The following TRAF3 variants were observed in gnomAD, a reference collection of about 807,000 sequenced individuals.
TRAF3 encodes the protein TNF receptor associated factor 3.
Under a neutral mutation model 62.3 loss-of-function variants are expected in TRAF3, and 13 were observed. The observed-to-expected ratio is 0.21, with a 90% confidence interval of 0.14 to 0.33. The LOEUF is 0.33. Among genes scored for constraint, TRAF3 ranks in the 10% least tolerant of loss-of-function variants. The probability of loss-of-function intolerance (pLI) is 1.00; values close to 1 mark genes in which losing one functional copy is unlikely to be tolerated. For missense variants in TRAF3, 440 were observed against 741.8 expected (o/e 0.59, Z 4.73); for synonymous variants, 269 against 283.4 (o/e 0.95, Z 0.51).
At chr14:102,811,732 T>A (rs141367929) in intron 1 of TRAF3, among the ~76,000 whole-genome samples, 1 of 10,758 alleles carries the variant, frequency 9.3e-5, no homozygotes, top group African/African-American at 2.1e-4. Flanking sequence ...AGCAGTAGTG[T>A]GTGTGTGTGT....
intron 7 of TRAF3, among the ~76,000 whole-genome samples, chr14:102,887,213 G>A (rs1280305103): frequency 6.6e-6 from 1 of 152,216 alleles, no homozygotes; most frequent in African/African-American, 2.4e-5. Context: ...GGGCTACCCT[G>A]GGCTCCCTGG....
rs558682972 is a variant in TRAF3, at chr14:102,827,495, C to A, written c.-156-2839C>A. On this transcript the variant is annotated intron_variant, in intron 1 of 11. Transcript: ENST00000392745. ...CACATAGCCTGAAGGTAATTTTATG[C>A]AATATTCTTAAATATTTTGTGCATG... Among the ~76,000 whole-genome samples, 16 of 152,316 alleles carry A rather than the reference C, an allele frequency of 1.1e-4. No individual in the cohort carries two copies. The South Asian group carries it at 2.9e-3, about 28-fold the overall frequency.
intron 6 of TRAF3, among the ~76,000 whole-genome samples, chr14:102,881,395 C>CAAAAAAAAAAA (rs57546209): frequency 8.5e-6 from 1 of 117,432 alleles, no homozygotes. Flanking sequence ...ACAACAAAAA[C>CAAAAAAAAAAA]AAAAAAAAAA....
intron 1 of TRAF3, among the ~76,000 whole-genome samples, chr14:102,791,104 C>T (rs113781152): frequency 0.011 from 1,703 of 151,518 alleles, 36 homozygotes; most frequent in African/African-American, 0.04. Context: ...ACTGCAACCT[C>T]CGCCTCCCGG....
chr14:102,821,445 C>T lies in TRAF3; in HGVS notation c.-156-8889C>T, dbSNP rs568897247. Among the ~76,000 whole-genome samples, 16 of 152,192 alleles carry T rather than the reference C, an allele frequency of 1.1e-4. No individual in the cohort carries two copies. The East Asian group carries it at 2.3e-3, about 22-fold the overall frequency. On this transcript the variant is annotated intron_variant, in intron 1 of 11. Transcript: ENST00000392745. ...AAGACGCATTTTGGGCCTTTATGAG[C>T]GAGTAATCATGACAGGACAGAGTGG...
intron 1 of TRAF3, among the ~76,000 whole-genome samples, chr14:102,814,764 C>T (rs1269404046): frequency 2.0e-5 from 3 of 151,980 alleles, no homozygotes; most frequent in Non-Finnish European, 4.4e-5. Context: ...CTCAAGCGGT[C>T]CACCCACCTC....
intron 10 of TRAF3, among the ~76,000 whole-genome samples, chr14:102,901,919 A>C (rs1890323689): frequency 6.6e-6 from 1 of 152,196 alleles, no homozygotes; most frequent in South Asian, 2.1e-4. Flanking sequence ...TGGCTCAGTC[A>C]TTCCACAGCT....
chr14:102,869,588 C>G (rs765272879), intron 2 of TRAF3, among the ~76,000 whole-genome samples: 1 of 151,948 alleles, frequency 6.6e-6, no homozygotes, highest in Non-Finnish European at 1.5e-5. Context: ...AGGCAGATCA[C>G]GAGGTCAGGA....
chr14:102,780,264 A>T (rs887567650), intron 1 of TRAF3, among the ~76,000 whole-genome samples: 9 of 152,200 alleles, frequency 5.9e-5, no homozygotes, highest in African/African-American at 2.2e-4. Context: ...GCACCACCGC[A>T]GCAGGCTTTG....
intron 4 of TRAF3, among the ~76,000 whole-genome samples, chr14:102,874,714 G>A (rs183075258): frequency 1.6e-3 from 242 of 151,340 alleles, no homozygotes; most frequent in Non-Finnish European, 1.5e-3. Context: ...GCAGCAGTGC[G>A]ATCATGGCTC....
intron 1 of TRAF3, among the ~76,000 whole-genome samples, chr14:102,784,951 C>T (rs1049492359): frequency 6.6e-5 from 10 of 152,082 alleles, no homozygotes; most frequent in Admixed American, 2.0e-4. Context: ...AAAAGGCACC[C>T]GGCCACTTCT....
intron 2 of TRAF3, among the ~76,000 whole-genome samples, chr14:102,835,713 T>C (rs564191203): frequency 5.4e-4 from 82 of 152,070 alleles, no homozygotes; most frequent in African/African-American, 1.9e-3. Context: ...TGAGAACACA[T>C]GGACACAAAG....
At chr14:102,838,079 G>C (rs1056325748) in intron 2 of TRAF3, among the ~76,000 whole-genome samples, 1 of 152,228 alleles carries the variant, frequency 6.6e-6, no homozygotes, top group South Asian at 2.1e-4. Flanking sequence ...ACACTGACTC[G>C]AGGTAGACCG....
intron 9 of TRAF3, chr14:102,895,153 A>G (rs1370321527): frequency 2.2e-6 from 1 of 455,490 alleles, no homozygotes; most frequent in Admixed American, 2.4e-5. Flanking sequence ...TCAGAGGGAC[A>G]CAACTACCAC....
Position 102,792,267 on chromosome 14 carries a change from A to G in TRAF3, c.-157+14592A>G, listed in dbSNP as rs565232458. On this transcript the variant is annotated intron_variant, in intron 1 of 11. Transcript: ENST00000392745. Reference sequence around the variant, plus strand: ...AGCCTCCCCGGTAGCTGGGACTACTATAGGTGCAAGCTGCCACACCCTGCT... The same window carrying G: ...AGCCTCCCCGGTAGCTGGGACTACTGTAGGTGCAAGCTGCCACACCCTGCT... Among the ~76,000 whole-genome samples, 52 of 151,394 alleles carry G rather than the reference A, an allele frequency of 3.4e-4. No homozygotes were observed. In the South Asian group the frequency reaches 9.8e-3, roughly 29 times the overall value.
intron 1 of TRAF3, among the ~76,000 whole-genome samples, chr14:102,816,160 T>G (rs1303138045): frequency 6.6e-6 from 1 of 152,076 alleles, no homozygotes; most frequent in Non-Finnish European, 1.5e-5. Context: ...AGGAGTGTAG[T>G]GATGCCATCT....
chr14:102,887,270 G>A (rs1889447660), intron 7 of TRAF3, among the ~76,000 whole-genome samples: 1 of 152,212 alleles, frequency 6.6e-6, no homozygotes, highest in Non-Finnish European at 1.5e-5. Flanking sequence ...TTTCACCTCA[G>A]CATTTTTCAA....
At chr14:102,864,437 C>T (rs931132548) in intron 2 of TRAF3, among the ~76,000 whole-genome samples, 15 of 152,062 alleles carry the variant, frequency 9.9e-5, no homozygotes, top group Admixed American at 3.9e-4. Flanking sequence ...TGTGAGCCAC[C>T]GCGCCCGGCC....
chr14:102,845,690 G>A (rs994638062), intron 2 of TRAF3, among the ~76,000 whole-genome samples: 1 of 151,180 alleles, frequency 6.6e-6, no homozygotes, highest in Non-Finnish European at 1.5e-5. Context: ...TAATTTTTTT[G>A]TATTTTTAGT....
Sources: allele counts gnomAD v4.1 joint callset (sites outside exome capture counted in the v4.1 genomes callset), GRCh38; gene constraint gnomAD v4.1.1; transcripts MANE v1.5; gene names NCBI Gene and HGNC (gene_info 2026-07-23, HGNC 2026-07-21).